The following RORB variants were observed in gnomAD, a reference collection of about 807,000 sequenced individuals.
RORB encodes RAR related orphan receptor B, also known as nuclear receptor ROR-beta.
Under a neutral mutation model 59.1 loss-of-function variants are expected in RORB, and 6 were observed. The ratio of observed to expected loss-of-function variants is 0.10; its 90% CI spans 0.06 to 0.20. The LOEUF (loss-of-function observed/expected upper bound fraction) is 0.20, where lower values mean the gene tolerates loss of function less well. RORB is among the 10% of genes least tolerant of loss of function. The pLI, the probability that RORB is intolerant of heterozygous loss-of-function variation, is 1.00. For missense variants in RORB, 320 were observed against 560.5 expected, an observed-to-expected ratio of 0.57 and a Z score of 4.33; for synonymous variants, 215 against 204.5, an observed-to-expected ratio of 1.05 and a Z score of -0.44.
At chr9:74,640,589 T>G (rs1823787362) in intron 3 of RORB, among the ~76,000 whole-genome samples, 1 of 152,086 alleles carries the variant, frequency 6.6e-6, no homozygotes, top group Non-Finnish European at 1.5e-5. Context: ...AGCCCTAGAA[T>G]GTAGGTTTTT....
intron 1 of RORB, among the ~76,000 whole-genome samples, chr9:74,538,936 C>T (rs556581614): frequency 4.6e-5 from 7 of 152,106 alleles, no homozygotes. Flanking sequence ...TAATAATGCC[C>T]ACCTTGAAGA....
intron 6 of RORB, among the ~76,000 whole-genome samples, chr9:74,664,325 A>G (rs1053460975): frequency 6.6e-6 from 1 of 152,226 alleles, no homozygotes; most frequent in East Asian, 1.9e-4. Context: ...AGACTCAGAT[A>G]TAACCAATCC....
chr9:74,508,342 CA>C (rs2118031958), intron 1 of RORB, among the ~76,000 whole-genome samples: 1 of 151,914 alleles, frequency 6.6e-6, no homozygotes, highest in East Asian at 1.9e-4. Context: ...CCACTTATGT[CA>C]GAATAAATTA....
intron 1 of RORB, among the ~76,000 whole-genome samples, chr9:74,517,106 T>TA (rs1219016433): frequency 1.3e-5 from 2 of 151,956 alleles, no homozygotes; most frequent in African/African-American, 2.4e-5. Flanking sequence ...TCCCTCCCAC[T>TA]AAAAAATATG....
intron 3 of RORB, among the ~76,000 whole-genome samples, chr9:74,641,628 C>T (rs1204367172): frequency 6.6e-6 from 1 of 152,108 alleles, no homozygotes; most frequent in Non-Finnish European, 1.5e-5. Context: ...TGGCCGGGTG[C>T]AGTGGCTCAC....
chr9:74,565,694 G>A (rs1172090261), intron 1 of RORB, among the ~76,000 whole-genome samples: 1 of 152,030 alleles, frequency 6.6e-6, no homozygotes, highest in Non-Finnish European at 1.5e-5. Flanking sequence ...TCCCTAAAAA[G>A]CATCTTCTTT....
chr9:74,592,332 A>G (rs951998896), intron 1 of RORB, among the ~76,000 whole-genome samples: 19 of 152,318 alleles, frequency 1.2e-4, no homozygotes, highest in African/African-American at 4.6e-4. Flanking sequence ...ATCACTTATA[A>G]AAGTGATTTT....
chr9:74,640,820 A>T (rs1479570378), intron 3 of RORB, among the ~76,000 whole-genome samples: 2 of 149,534 alleles, frequency 1.3e-5, no homozygotes, highest in African/African-American at 4.8e-5. Context: ...CTATGCTCAG[A>T]TAAATATGGT....
At chr9:74,549,810 C>T (rs1392513199) in intron 1 of RORB, among the ~76,000 whole-genome samples, 1 of 151,962 alleles carries the variant, frequency 6.6e-6, no homozygotes, top group Non-Finnish European at 1.5e-5. Flanking sequence ...TCACTGCGAC[C>T]CTCCGCCTCC....
chr9:74,681,433 G>A (rs1043524130), intron 9 of RORB, among the ~76,000 whole-genome samples: 4 of 152,284 alleles, frequency 2.6e-5, no homozygotes, highest in South Asian at 4.2e-4. Flanking sequence ...ACAGCCGACT[G>A]GGTGTCTTGC....
intron 1 of RORB, among the ~76,000 whole-genome samples, chr9:74,593,049 C>T (rs1195671062): frequency 6.6e-6 from 1 of 152,120 alleles, no homozygotes; most frequent in Non-Finnish European, 1.5e-5. Flanking sequence ...AGCCCTTTGT[C>T]CATCCATTAC....
At chr9:74,637,552 C>T (rs1487403719) in intron 3 of RORB, among the ~76,000 whole-genome samples, 4 of 151,482 alleles carry the variant, frequency 2.6e-5, no homozygotes, top group African/African-American at 4.9e-5. Context: ...GAATTGGCAG[C>T]ATGCATAAGC....
intron 1 of RORB, among the ~76,000 whole-genome samples, chr9:74,592,810 A>ATCTC (rs147135870): frequency 3.4e-5 from 5 of 148,258 alleles, no homozygotes; most frequent in Non-Finnish European, 7.5e-5. Context: ...CTCTCTTTCA[A>ATCTC]TCTCTCTCTC....
chr9:74,506,721 C>G (rs1267679141), intron 1 of RORB, among the ~76,000 whole-genome samples: 6 of 152,082 alleles, frequency 3.9e-5, no homozygotes, highest in Non-Finnish European at 7.4e-5. Context: ...GGCCATAACC[C>G]TCTGCATTAG....
intron 1 of RORB, among the ~76,000 whole-genome samples, chr9:74,549,585 GAAGGAAGGAAGGAAGGAAGGAAGA>G (rs1455705342): frequency 0.074 from 6,422 of 86,448 alleles, 650 homozygotes; most frequent in African/African-American, 0.13. Flanking sequence ...AGGAAGGAAG[GAAGGAAGGAAGGAAGGAAGGAAGA>G]AAGGAAGGAA....
chr9:74,684,076 A>G (rs1375044960), intron 9 of RORB, among the ~76,000 whole-genome samples: 1 of 152,214 alleles, frequency 6.6e-6, no homozygotes, highest in Non-Finnish European at 1.5e-5. Flanking sequence ...TAAGATTGGA[A>G]AGTCTGAACT....
At chr9:74,531,785 A>C (rs1344457119) in intron 1 of RORB, among the ~76,000 whole-genome samples, 2 of 151,968 alleles carry the variant, frequency 1.3e-5, no homozygotes, top group Non-Finnish European at 2.9e-5. Flanking sequence ...CCCCTAGTAA[A>C]TTTTGAGTGT....
intron 4 of RORB, among the ~76,000 whole-genome samples, chr9:74,646,800 C>T (rs1480839509): frequency 2.0e-5 from 3 of 152,152 alleles, no homozygotes; most frequent in African/African-American, 7.2e-5. Flanking sequence ...TTTCTGCCCT[C>T]ACCATCTAGG....
At chr9:74,660,279 G>A (rs923755120) in intron 4 of RORB, among the ~76,000 whole-genome samples, 1 of 152,088 alleles carries the variant, frequency 6.6e-6, no homozygotes, top group African/African-American at 2.4e-5. Flanking sequence ...GAGTACAAGT[G>A]TTAAGACTGT....
Sources: allele counts gnomAD v4.1 joint callset (sites outside exome capture counted in the v4.1 genomes callset), GRCh38; gene constraint gnomAD v4.1.1; transcripts MANE v1.5; gene names NCBI Gene and HGNC (gene_info 2026-07-23, HGNC 2026-07-21).